NLRP13: variants seen among roughly 807,000 people sequenced by gnomAD.
NLRP13 encodes NLR family pyrin domain containing 13, also known as NACHT, LRR and PYD domains-containing protein 13.
A neutral mutation model predicts 94.4 loss-of-function variants in NLRP13; 82 were observed. The observed-to-expected ratio is 0.87, with a 90% CI of 0.73 to 1.04. The LOEUF is 1.04. Ranked by LOEUF, NLRP13 falls within the 50% of genes least tolerant of loss-of-function variation. The probability of loss-of-function intolerance (pLI) is 0.00; values close to 1 mark genes in which losing one functional copy is unlikely to be tolerated. For missense variants in NLRP13, 1,426 were observed against 1,230.8 expected, an observed-to-expected ratio of 1.16 and a Z score of -2.37; for synonymous variants, 553 against 464.7, an observed-to-expected ratio of 1.19 and a Z score of -2.45.
chr19:55,898,308 C>T (rs769531917), intron 10 of NLRP13, among the ~76,000 whole-genome samples: 1 of 150,058 alleles, frequency 6.7e-6, no homozygotes, highest in African/African-American at 2.5e-5. Flanking sequence ...CTCCCGGGTT[C>T]AAGCGATTCT....
chr19:55,931,720 A>AGACAG, intron 1 of NLRP13, among the ~76,000 whole-genome samples: 1 of 130,916 alleles, frequency 7.6e-6, no homozygotes, highest in African/African-American at 2.9e-5. Flanking sequence ...AAAAAAAAAA[A>AGACAG]AAAAAGAAAG....
intron 1 of NLRP13, among the ~76,000 whole-genome samples, chr19:55,925,681 T>C (rs1236482823): frequency 1.3e-5 from 2 of 152,196 alleles, no homozygotes; most frequent in African/African-American, 4.8e-5. Flanking sequence ...ACCTCTTCTA[T>C]AACTCACAGT....
rs199476255 is a variant in NLRP13, at chr19:55,910,529, G to A, written c.2282+34C>T. ...AGAGAAGTTGGGAGATTCTCCTAGG[G>A]TATCTTCTTGAGCTGCTGGCGTCTC... On this transcript the variant is annotated intron_variant, in intron 6 of 10. Transcript: ENST00000342929. 17 of 1,530,634 alleles carry A rather than the reference G, an allele frequency of 1.1e-5. No individual in the cohort carries two copies. The African/African-American group carries it at 1.6e-4, about 15-fold the overall frequency. The allele number at this position is 1,530,634 out of a possible 1,614,324, so 94.8% of individuals were successfully genotyped here. A position where few individuals can be genotyped will look rare whatever the true frequency, so the allele number is the denominator to read the frequency against.
rs183218513 is a variant in NLRP13, at chr19:55,897,563, C to T, written c.2957+1207G>A. On this transcript the variant is annotated intron_variant, in intron 10 of 10. Coordinates refer to ENST00000342929, the MANE Select transcript of NLRP13 (RefSeq NM_176810.2). ...GAAAGAAAAAAGTCAGAATGAGTCTCTCTAAGGAAATAGTTCAGTAAGTTG... is the reference window on the plus strand; with the variant it reads ...GAAAGAAAAAAGTCAGAATGAGTCTTTCTAAGGAAATAGTTCAGTAAGTTG... Among the ~76,000 whole-genome samples, 6 of 152,176 alleles carry T rather than the reference C, an allele frequency of 3.9e-5. No homozygotes were observed. The East Asian group carries it at 9.7e-4, about 25-fold the overall frequency.
chr19:55,898,479 G>C (rs775450491), intron 10 of NLRP13, among the ~76,000 whole-genome samples: 4 of 152,090 alleles, frequency 2.6e-5, no homozygotes, highest in Middle Eastern at 3.2e-3. Context: ...CCAAATGCTG[G>C]GATTACAGGT....
At chr19:55,922,072 T>G (rs1180539953) in intron 4 of NLRP13, among the ~76,000 whole-genome samples, 1 of 152,050 alleles carries the variant, frequency 6.6e-6, no homozygotes, top group Non-Finnish European at 1.5e-5. Context: ...ACTTACCTAG[T>G]GGGAGGTGAG....
intron 1 of NLRP13, among the ~76,000 whole-genome samples, chr19:55,928,713 A>AT (rs761877900): frequency 1.3e-5 from 2 of 152,302 alleles, no homozygotes; most frequent in Non-Finnish European, 2.9e-5. Flanking sequence ...CTAAATCTCT[A>AT]TTTTCAATCT....
chr19:55,906,788 C>T (rs1045631366), intron 7 of NLRP13, among the ~76,000 whole-genome samples: 3 of 151,958 alleles, frequency 2.0e-5, no homozygotes, highest in African/African-American at 7.3e-5. Context: ...AGCTGACTTT[C>T]TCCCTCTTCC....
At chr19:55,898,207 T>TG (rs1986066713) in intron 10 of NLRP13, among the ~76,000 whole-genome samples, 1 of 18,724 alleles carries the variant, frequency 5.3e-5, no homozygotes, top group East Asian at 7.6e-3. Context: ...TTTGTTTTTG[T>TG]TTTTGTTTTT....
Position 55,910,583 on chromosome 19 carries a change from T to C in NLRP13, c.2262A>G (p.Arg754=), listed in dbSNP as rs755565009. 2 of 1,605,256 alleles carry C rather than the reference T, an allele frequency of 1.2e-6. No individual in the cohort carries two copies. Among genetic ancestry groups the C allele is most frequent in the South Asian group, 1.1e-5 (1 of 90,474 alleles). Residue 754 remains arginine (R), a synonymous_variant, in exon 6 of 11, where the codon AGA becomes AGG. Coordinates refer to ENST00000342929, the MANE Select transcript of NLRP13 (RefSeq NM_176810.2). ...KGLCLALKNP[R]CKVQKLTCKS... ...CTTACGTCAGTTTCTGGACTTTGCATCTTGGATTTTTCAGTGCAAGACAGA... is the reference window on the plus strand; with the variant it reads ...CTTACGTCAGTTTCTGGACTTTGCACCTTGGATTTTTCAGTGCAAGACAGA...
intron 8 of NLRP13, among the ~76,000 whole-genome samples, chr19:55,904,427 A>G (rs1986278283): frequency 6.6e-6 from 1 of 152,056 alleles, no homozygotes; most frequent in Non-Finnish European, 1.5e-5. Flanking sequence ...TTCTCCGCAT[A>G]CGGCTGCCTC....
intron 9 of NLRP13, 61 bp downstream of exon 9, chr19:55,901,974 G>A (rs1358870971): frequency 2.6e-6 from 4 of 1,548,674 alleles, no homozygotes; most frequent in Non-Finnish European, 3.5e-6. Context: ...TCAGGCATTG[G>A]TGGGTCAATT....
Position 55,910,724 on chromosome 19 carries a change from C to T in NLRP13, c.2121G>A (p.Lys707=), listed in dbSNP as rs748079145. The T allele has an allele frequency of 1.2e-6, 2 of 1,606,496 alleles. No homozygotes were observed. The highest frequency in any genetic ancestry group is 1.1e-5 in the South Asian group (1 of 90,536). ...TCCATGCGTGCATCCTGGAATCAAA[C>T]TTGCTTGTCCTTCATGAGGGAGAGA... The part of the protein sequence containing the change: ...ERDLEILETS[K]FDSRMHAWNS... The change falls in exon 6 of 11, where the codon AAG becomes AAA. Residue 707 remains lysine (K), a synonymous_variant. Transcript: ENST00000342929.
chr19:55,915,501 G>A (rs1016066841), intron 4 of NLRP13, among the ~76,000 whole-genome samples: 4 of 152,142 alleles, frequency 2.6e-5, no homozygotes, highest in African/African-American at 4.8e-5. Flanking sequence ...GGGAGGCTGA[G>A]GCAGGAGAAT....
At position 55,902,085 on chromosome 19, in the gene NLRP13, C is replaced by T. The variant is rs776326335; in HGVS notation, c.2739G>A (p.Lys913=). The change falls in exon 9 of 11, where the codon AAG becomes AAA. Residue 913 remains lysine (K), a synonymous_variant. Transcript: ENST00000342929. ...GGCGACCCAAGGCCTCACACAGGAACTTGACTCCCTCGTCTCTCAGGCTGT... is the reference window on the plus strand; with the variant it reads ...GGCGACCCAAGGCCTCACACAGGAATTTGACTCCCTCGTCTCTCAGGCTGT... ...SKNSLRDEGV[K]FLCEALGRPD... is the part of the protein sequence containing the mutation. The T allele has an allele frequency of 3.6e-5, 58 of 1,614,072 alleles. No individual in the cohort carries two copies. The highest frequency in any genetic ancestry group is 4.7e-5 in the Non-Finnish European group (55 of 1,180,028).
chr19:55,907,746 T>C (rs1442385521), intron 7 of NLRP13, 46 bp downstream of exon 7: 2 of 1,595,060 alleles, frequency 1.3e-6, no homozygotes, highest in Non-Finnish European at 1.7e-6. Flanking sequence ...AAGCTACTGG[T>C]GGTCTTGCAA....
chr19:55,895,242 C>T (rs1429387267), downstream of NLRP13, among the ~76,000 whole-genome samples: 2 of 150,290 alleles, frequency 1.3e-5, no homozygotes, highest in East Asian at 3.9e-4. Flanking sequence ...ATTAGCCAGG[C>T]GTAGTGGCAT....
At chr19:55,907,597 C>T (rs1219414457) in intron 7 of NLRP13, among the ~76,000 whole-genome samples, 195 bp downstream of exon 7, 1 of 152,052 alleles carries the variant, frequency 6.6e-6, no homozygotes. Flanking sequence ...TAAAAAATAA[C>T]CTCCCCCAAG....
At chr19:55,900,590 T>C (rs1482153773) in intron 9 of NLRP13, among the ~76,000 whole-genome samples, 1 of 143,342 alleles carries the variant, frequency 7.0e-6, no homozygotes, top group African/African-American at 2.6e-5. Context: ...GCTAACATGG[T>C]GAAACCCCAT....
Sources: gnomAD v4.1 joint callset for allele counts (sites outside exome capture counted in the v4.1 genomes callset) on GRCh38, gnomAD v4.1.1 for gene constraint, MANE v1.5 for transcripts, NCBI Gene and HGNC (gene_info 2026-07-23, HGNC 2026-07-21) for gene names.